Variants in RIN2 observed in about 807,000 individuals in gnomAD.
The protein encoded by RIN2 is Ras and Rab interactor 2.
RIN2 carries 36 observed loss-of-function variants against 78.0 expected under a neutral mutation model. The ratio of observed to expected loss-of-function variants is 0.46; its 90% CI spans 0.35 to 0.61. The LOEUF is 0.61. Among genes scored for constraint, RIN2 ranks in the 20% least tolerant of loss-of-function variants. RIN2 has a pLI of 0.00. For synonymous variants in RIN2, 466 were observed against 466.8 expected (o/e 1.00, Z 0.02); for missense variants, 1,087 against 1,159.7 (o/e 0.94, Z 0.91).
chr20:19,771,478 C>T (rs908831091), intron 1 of RIN2, among the ~76,000 whole-genome samples: 6 of 152,202 alleles, frequency 3.9e-5, no homozygotes, highest in African/African-American at 7.2e-5. Flanking sequence ...ACCCCAACCC[C>T]TGCTGAAGCA....
At chr20:19,888,647 G>T (rs542931786) in intron 2 of RIN2, among the ~76,000 whole-genome samples, 31 of 152,222 alleles carry the variant, frequency 2.0e-4, no homozygotes, top group Admixed American at 6.5e-5. Context: ...TGCATGTTAT[G>T]GCGAGAAGGG....
rs13040724 is a variant in RIN2, at chr20:19,903,761, G to C, written c.57+14103G>C. Among the ~76,000 whole-genome samples, 623 of 152,314 alleles carry C rather than the reference G, an allele frequency of 4.1e-3. 2 individuals are homozygous for C. The highest frequency in any genetic ancestry group is 0.014 in the Middle Eastern group (4 of 294). On this transcript the variant is annotated intron_variant, in intron 3 of 12. Transcript: ENST00000255006. ...CACTGTAAATTAGGAAATAAAATTTGTGTTTCTTGAGGTTTCTCCAACTAT... is the reference window on the plus strand; with the variant it reads ...CACTGTAAATTAGGAAATAAAATTTCTGTTTCTTGAGGTTTCTCCAACTAT...
In RIN2 at chr20:19,992,703, T is replaced by TA. The variant is rs146262399; in HGVS notation, c.2200+412dup. On this transcript the variant is annotated intron_variant, in intron 11 of 12. Coordinates refer to ENST00000255006, the MANE Select transcript of RIN2 (RefSeq NM_018993.4). ...CTTCACTAAGATTGCTTAATGGCAATAAAAAAAATACATTCAGTAGAATAA... is the reference window on the plus strand; with the variant it reads ...CTTCACTAAGATTGCTTAATGGCAATAAAAAAAAATACATTCAGTAGAATAA... Among the ~76,000 whole-genome samples the TA allele has an allele frequency of 5.0e-3, 764 of 151,892 alleles. 2 individuals are homozygous for TA. The highest frequency in any genetic ancestry group is 8.7e-3 in the South Asian group (42 of 4,808).
At chr20:19,838,076 GTTAAAAAACAAAAAC>G (rs2036474343) in intron 2 of RIN2, among the ~76,000 whole-genome samples, 1 of 152,172 alleles carries the variant, frequency 6.6e-6, no homozygotes, top group Non-Finnish European at 1.5e-5. Context: ...TCAGATTTTA[GTTAAAAAACAAAAAC>G]ATATCTTCTC....
Position 19,767,650 on chromosome 20 carries a change from G to A in RIN2, c.-163+9323G>A, listed in dbSNP as rs185221666. Reference sequence around the variant, plus strand: ...TAGAATGCGAGGCTCCTGGCCAGGCGTGGTGGCTCACTCCTGTAATCCCAG... The same window carrying A: ...TAGAATGCGAGGCTCCTGGCCAGGCATGGTGGCTCACTCCTGTAATCCCAG... On this transcript the variant is annotated intron_variant, in intron 1 of 12. Transcript: ENST00000255006. 5.8e-3 allele frequency among the ~76,000 whole-genome samples: 884 copies of A among 152,098 alleles called. 3 individuals carry two copies. The highest frequency in any genetic ancestry group is 7.8e-3 in the Non-Finnish European group (531 of 68,000).
At chr20:19,908,740 C>T (rs896610375) in intron 3 of RIN2, among the ~76,000 whole-genome samples, 26 of 152,194 alleles carry the variant, frequency 1.7e-4, no homozygotes, top group African/African-American at 5.8e-4. Flanking sequence ...CAGAAGTTGG[C>T]GGCCCTCCTT....
intron 2 of RIN2, among the ~76,000 whole-genome samples, chr20:19,848,091 GA>G (rs917702681): frequency 6.6e-6 from 1 of 152,184 alleles, no homozygotes; most frequent in Non-Finnish European, 1.5e-5. Flanking sequence ...AAGGGGGAGG[GA>G]GGGGACATTG....
chr20:19,931,249 C>T (rs2040426996), intron 3 of RIN2, among the ~76,000 whole-genome samples: 2 of 152,156 alleles, frequency 1.3e-5, no homozygotes, highest in Admixed American at 6.6e-5. Context: ...TATAAACATA[C>T]AGTACAGTTT....
At position 19,816,780 on chromosome 20, in the gene RIN2, G is replaced by C. The variant is rs374196390; in HGVS notation, c.-37+17033G>C. Among the ~76,000 whole-genome samples the C allele has an allele frequency of 1.4e-4, 21 of 152,264 alleles. No homozygotes were observed. The East Asian group carries it at 2.9e-3, about 21-fold the overall frequency. ...AGGATTGCCAGCCATATTCTGTTGA[G>C]ACAAGAGGACATTGATACAATTCCT... On this transcript the variant is annotated intron_variant, in intron 2 of 12. Transcript: ENST00000255006.
intron 3 of RIN2, among the ~76,000 whole-genome samples, chr20:19,907,021 G>T (rs2039246881): frequency 2.6e-5 from 4 of 152,336 alleles, no homozygotes; most frequent in South Asian, 2.1e-4. Context: ...TCCCAAGGTT[G>T]AGGGGACTGC....
At chr20:19,864,327 TG>T (rs2123307435) in intron 2 of RIN2, among the ~76,000 whole-genome samples, 1 of 152,336 alleles carries the variant, frequency 6.6e-6, no homozygotes, top group South Asian at 2.1e-4. Flanking sequence ...ACAAGCTTTT[TG>T]GCAAAACATT....
chr20:19,791,526 T>G (rs1239959546), intron 1 of RIN2, among the ~76,000 whole-genome samples: 1 of 152,178 alleles, frequency 6.6e-6, no homozygotes, highest in Admixed American at 6.5e-5. Flanking sequence ...GAGGAAAGCT[T>G]CATAAAATTA....
chr20:19,828,454 T>A (rs1030877646), intron 2 of RIN2, among the ~76,000 whole-genome samples: 1 of 152,182 alleles, frequency 6.6e-6, no homozygotes, highest in African/African-American at 2.4e-5. Flanking sequence ...TATGAGAATA[T>A]GTGCGGACAG....
intron 2 of RIN2, among the ~76,000 whole-genome samples, chr20:19,866,992 A>C (rs573111765): frequency 9.0e-6 from 1 of 111,172 alleles, no homozygotes; most frequent in Non-Finnish European, 1.8e-5. Flanking sequence ...CATCACTAAG[A>C]ATCTTGTTTA....
chr20:19,917,812 A>T (rs761496971), intron 3 of RIN2, among the ~76,000 whole-genome samples: 7 of 152,330 alleles, frequency 4.6e-5, no homozygotes, highest in Non-Finnish European at 8.8e-5. Flanking sequence ...ATTCCATCAT[A>T]TTGGGGTACA....
In RIN2 at chr20:19,769,658, A is replaced by G. The variant is rs536511595; in HGVS notation, c.-163+11331A>G. ...TGCAATTTGACATGAAGCTCCTACCAGTGACAAACCACTAGTAAGAATTCC... is the reference window on the plus strand; with the variant it reads ...TGCAATTTGACATGAAGCTCCTACCGGTGACAAACCACTAGTAAGAATTCC... On this transcript the variant is annotated intron_variant, in intron 1 of 12. Coordinates refer to ENST00000255006, the MANE Select transcript of RIN2 (RefSeq NM_018993.4). 4.6e-5 allele frequency among the ~76,000 whole-genome samples: 7 copies of G among 152,342 alleles called. No homozygotes were observed. The East Asian group carries it at 1.2e-3, about 25-fold the overall frequency.
At chr20:19,770,190 A>T (rs2034058390) in intron 1 of RIN2, among the ~76,000 whole-genome samples, 1 of 152,234 alleles carries the variant, frequency 6.6e-6, no homozygotes, top group South Asian at 2.1e-4. Flanking sequence ...CACAAGGATT[A>T]TGATGCTTTT....
intron 2 of RIN2, chr20:19,872,304 G>A (rs1323180630): frequency 1.3e-5 from 2 of 152,252 alleles, no homozygotes; most frequent in South Asian, 2.1e-4. Flanking sequence ...AGGAAGTTCT[G>A]TATAATAGTG....
chr20:19,863,061 G>C (rs2037395650), intron 2 of RIN2, among the ~76,000 whole-genome samples: 1 of 152,148 alleles, frequency 6.6e-6, no homozygotes, highest in African/African-American at 2.4e-5. Flanking sequence ...CCTAAGGTGA[G>C]CGTTTTCTCA....
Sources: gnomAD v4.1 joint callset for allele counts (sites outside exome capture counted in the v4.1 genomes callset) on GRCh38, gnomAD v4.1.1 for gene constraint, MANE v1.5 for transcripts, NCBI Gene and HGNC (gene_info 2026-07-23, HGNC 2026-07-21) for gene names.